PDS5B: variants seen among roughly 807,000 people sequenced by gnomAD.
PDS5B encodes PDS5 cohesin associated factor B, also known as sister chromatid cohesion protein PDS5 homolog B.
Under a neutral mutation model 184.1 loss-of-function variants are expected in PDS5B, and 51 were observed. The observed-to-expected ratio is 0.28, with a 90% CI of 0.22 to 0.35. The LOEUF (loss-of-function observed/expected upper bound fraction) is 0.35, where lower values mean the gene tolerates loss of function less well. PDS5B is among the 10% of genes least tolerant of loss of function. The pLI is 1.00. For synonymous variants in PDS5B, 566 were observed against 569.2 expected, an observed-to-expected ratio of 0.99 and a Z score of 0.08; for missense variants, 1,180 against 1,723.3, an observed-to-expected ratio of 0.68 and a Z score of 5.58.
chr13:32,759,654 GC>G lies in PDS5B; in HGVS notation c.3338del (p.Pro1113LeufsTer4). 1 of 1,563,872 alleles carries G rather than the reference GC, an allele frequency of 6.4e-7. No homozygotes were observed. Among genetic ancestry groups the G allele is most frequent in the Non-Finnish European group, 8.7e-7 (1 of 1,144,928 alleles). On this transcript the variant is annotated frameshift_variant, in exon 29 of 35. Transcript: ENST00000315596. LOFTEE classifies it high-confidence loss of function. ...ATTTCAGTAACACCAAAAATTATCT[GC>G]CTCCTGAAATGAAATCATTTTTCAC... ...KNFSNTKNYL[P>X]PEMKSFFTPG...
At chr13:32,762,531 A>G (rs1483185485) in intron 30 of PDS5B, among the ~76,000 whole-genome samples, 1 of 152,152 alleles carries the variant, frequency 6.6e-6, no homozygotes, top group African/African-American at 2.4e-5. Flanking sequence ...TTTCTATCAA[A>G]TGGTCTCATA....
intron 1 of PDS5B, among the ~76,000 whole-genome samples, chr13:32,612,917 T>A (rs1593262139): frequency 6.6e-6 from 1 of 152,164 alleles, no homozygotes; most frequent in Non-Finnish European, 1.5e-5. Flanking sequence ...CAGGACAAAA[T>A]CGACACCCCT....
intron 1 of PDS5B, among the ~76,000 whole-genome samples, chr13:32,614,860 C>T (rs1177306500): frequency 6.6e-6 from 1 of 152,174 alleles, no homozygotes; most frequent in Non-Finnish European, 1.5e-5. Context: ...CCTCTTAATC[C>T]TGTTGGAAGT....
At chr13:32,741,469 T>C (rs921185545) in intron 22 of PDS5B, among the ~76,000 whole-genome samples, 2 of 152,120 alleles carry the variant, frequency 1.3e-5, no homozygotes, top group Non-Finnish European at 2.9e-5. Flanking sequence ...ATTCATCTTT[T>C]CCATGGGATT....
At chr13:32,679,911 G>GTC (rs1555301554) in intron 10 of PDS5B, among the ~76,000 whole-genome samples, 4 of 150,392 alleles carry the variant, frequency 2.7e-5, no homozygotes, top group Admixed American at 2.6e-4. Context: ...GTGTGTGTGT[G>GTC]TGTGTCTGTT....
At chr13:32,643,436 T>C (rs1196644069) in intron 1 of PDS5B, among the ~76,000 whole-genome samples, 3 of 152,170 alleles carry the variant, frequency 2.0e-5, no homozygotes, top group Admixed American at 2.0e-4. Context: ...AGTGTCCTTT[T>C]TAAAAAACTT....
chr13:32,687,359 A>G (rs1054397315), intron 12 of PDS5B, 74 bp downstream of exon 12: 98 of 1,153,148 alleles, frequency 8.5e-5, no homozygotes, highest in Non-Finnish European at 1.1e-4. Context: ...TATGCAAACT[A>G]TTTTCTTTAT....
chr13:32,686,315 A>G (rs897352159), intron 11 of PDS5B, among the ~76,000 whole-genome samples: 1 of 152,256 alleles, frequency 6.6e-6, no homozygotes, highest in Non-Finnish European at 1.5e-5. Flanking sequence ...AGAATGGACC[A>G]CTGATAAGTA....
chr13:32,664,532 T>G (rs1950733816), intron 6 of PDS5B, among the ~76,000 whole-genome samples: 1 of 152,184 alleles, frequency 6.6e-6, no homozygotes, highest in Non-Finnish European at 1.5e-5. Context: ...ATCATAATGA[T>G]GTCAATCTTC....
At chr13:32,617,078 G>C (rs1336897913) in intron 1 of PDS5B, among the ~76,000 whole-genome samples, 7 of 152,164 alleles carry the variant, frequency 4.6e-5, no homozygotes, top group African/African-American at 1.7e-4. Context: ...CCAGTAGTGA[G>C]ACAGTGAAAT....
Position 32,770,658 on chromosome 13 carries a change from G to C in PDS5B, c.4069G>C (p.Glu1357Gln), listed in dbSNP as rs1232728650. The change falls in exon 33 of 35, where the codon GAA becomes CAA. Residue 1357 changes from glutamate (E) to glutamine (Q), a missense_variant. Glu to Gln is a conservative substitution (Grantham distance 29, BLOSUM62 2). Transcript: ENST00000315596. ...TTTGGGTCTTCCCCAAAGCAGAGCA[G>C]AATCTCCTGAATCTAGTGCAATTGA... ...RVSRRAQQRA[E>Q]SPESSAIEST... The C allele has an allele frequency of 1.2e-6, 2 of 1,609,422 alleles. No homozygotes were observed. The highest frequency in any genetic ancestry group is 1.7e-5 in the Admixed American group (1 of 59,500).
intron 14 of PDS5B, among the ~76,000 whole-genome samples, chr13:32,695,251 A>G (rs1420429808): frequency 6.6e-6 from 1 of 151,940 alleles, no homozygotes; most frequent in Non-Finnish European, 1.5e-5. Flanking sequence ...TTTGTTTTAT[A>G]GGTTAACAAT....
intron 1 of PDS5B, among the ~76,000 whole-genome samples, chr13:32,626,636 T>C (rs183324076): frequency 1.3e-5 from 2 of 152,246 alleles, no homozygotes; most frequent in East Asian, 3.9e-4. Flanking sequence ...CTTTGCCTTG[T>C]CTGCAGTGAA....
At chr13:32,655,377 T>A (rs1398244882) in intron 3 of PDS5B, among the ~76,000 whole-genome samples, 23,109 of 67,010 alleles carry the variant, frequency 0.34, 5,346 homozygotes, top group Non-Finnish European at 0.43. Flanking sequence ...TATATATATT[T>A]TTTTTTTTTT....
At position 32,775,637 on chromosome 13, in the gene PDS5B, A is replaced by G. The variant is rs1028914574; in HGVS notation, c.*585A>G. The G allele has an allele frequency of 4.4e-6, 2 of 456,110 alleles. No individual in the cohort carries two copies. The highest frequency in any genetic ancestry group is 2.0e-5 in the African/African-American group (1 of 50,046). 28.3% of individuals were successfully genotyped at this position (456,110 alleles called of 1,614,324 possible). On this transcript the variant is annotated 3_prime_UTR_variant, in exon 35 of 35. Transcript: ENST00000315596. Reference sequence around the variant, plus strand: ...CTTCAGAGGTGCTAAATTGTCTGCCATTACACCAGAAGGATGCCTCTGATA... The same window carrying G: ...CTTCAGAGGTGCTAAATTGTCTGCCGTTACACCAGAAGGATGCCTCTGATA...
chr13:32,743,977 T>C (rs1236046427), intron 23 of PDS5B, among the ~76,000 whole-genome samples: 1 of 152,022 alleles, frequency 6.6e-6, no homozygotes, highest in African/African-American at 2.4e-5. Context: ...TAAATCAATT[T>C]ATTAATTATA....
chr13:32,656,706 C>T (rs1355014135), intron 3 of PDS5B, among the ~76,000 whole-genome samples: 1 of 151,480 alleles, frequency 6.6e-6, no homozygotes, highest in Admixed American at 6.6e-5. Flanking sequence ...AAGCAATTCT[C>T]CTGTCTCAGC....
chr13:32,764,779 C>A (rs573879914), intron 31 of PDS5B, among the ~76,000 whole-genome samples, 185 bp downstream of exon 31: 25 of 152,208 alleles, frequency 1.6e-4, no homozygotes, highest in African/African-American at 5.1e-4. Context: ...ATCTGTGCTT[C>A]TTATCAATGT....
chr13:32,737,096 G>T, intron 21 of PDS5B, among the ~76,000 whole-genome samples: 1 of 152,036 alleles, frequency 6.6e-6, no homozygotes, highest in East Asian at 1.9e-4. Context: ...CAAAATTTTG[G>T]TCAAATCTTA....
Sources: allele counts gnomAD v4.1 joint callset (sites outside exome capture counted in the v4.1 genomes callset), GRCh38; gene constraint gnomAD v4.1.1; transcripts MANE v1.5; gene names NCBI Gene and HGNC (gene_info 2026-07-23, HGNC 2026-07-21).